The following MAP3K12 variants were observed in gnomAD, a reference collection of about 807,000 sequenced individuals.
MAP3K12 encodes the protein mitogen-activated protein kinase kinase kinase 12.
MAP3K12 carries 14 observed loss-of-function variants against 87.5 expected under a neutral mutation model. The ratio of observed to expected loss-of-function variants is 0.16; its 90% CI spans 0.11 to 0.25. The LOEUF (loss-of-function observed/expected upper bound fraction) is 0.25, where lower values mean the gene tolerates loss of function less well. Among genes scored for constraint, MAP3K12 ranks in the 10% least tolerant of loss-of-function variants. The probability of loss-of-function intolerance (pLI) is 1.00; values close to 1 mark genes in which losing one functional copy is unlikely to be tolerated. For missense variants in MAP3K12, 802 were observed against 1,140.4 expected, an observed-to-expected ratio of 0.70 and a Z score of 4.27; for synonymous variants, 469 against 452.5, an observed-to-expected ratio of 1.04 and a Z score of -0.46.
At chr12:53,495,338 C>CAAAAA (rs1943522030) in intron 1 of MAP3K12, among the ~76,000 whole-genome samples, 1 of 17,172 alleles carries the variant, frequency 5.8e-5, no homozygotes, top group Non-Finnish European at 1.9e-4. Context: ...TACTCTGTCT[C>CAAAAA]CAAAAAAAAA....
At position 53,480,554 on chromosome 12, in the gene MAP3K12, AC is replaced by A. The variant is rs1463786093; in HGVS notation, c.*627del. 6.6e-6 allele frequency: 1 copy of A among 152,618 alleles called. No homozygotes were observed. Among genetic ancestry groups the A allele is most frequent in the Non-Finnish European group, 1.5e-5 (1 of 68,066 alleles). The allele number at this position is 152,618 out of a possible 1,614,324, so 9.5% of individuals were successfully genotyped here. A position where few individuals can be genotyped will look rare whatever the true frequency, so the allele number is the denominator to read the frequency against. ...CAGGGGTTACAGTAGGACAGTCCCC[AC>A]CCCAATCAGGCACCAGGATAAAAGC... On this transcript the variant is annotated 3_prime_UTR_variant, in exon 14 of 14. Transcript: ENST00000547488.
At position 53,483,617 on chromosome 12, in the gene MAP3K12, C is replaced by T; in HGVS notation, c.1465G>A (p.Glu489Lys). The T allele has an allele frequency of 1.2e-6, 2 of 1,614,122 alleles. No homozygotes were observed. Among genetic ancestry groups the T allele is most frequent in the Non-Finnish European group, 1.7e-6 (2 of 1,180,034 alleles). The change falls in exon 9 of 14, where the codon GAG becomes AAG. Residue 489 changes from glutamate (E) to lysine (K), a missense_variant. This residue lies in a region of MAP3K12 where 99 missense variants were observed against 193.4 expected (regional missense o/e 0.51). Transcript: ENST00000547488. Reference sequence around the variant, plus strand: ...GACAGGTAGGGTTACCTGAGCAGCTCCCTCTCCTTGAGTTCCAGCTGCAAC... The same window carrying T: ...GACAGGTAGGGTTACCTGAGCAGCTTCCTCTCCTTGAGTTCCAGCTGCAAC... ...LMLQLELKERELLRREQALER... is the reference protein window; with the variant it reads ...LMLQLELKERKLLRREQALER...
intron 1 of MAP3K12, among the ~76,000 whole-genome samples, chr12:53,492,270 C>G (rs1174274188): frequency 2.0e-5 from 3 of 152,246 alleles, no homozygotes; most frequent in African/African-American, 7.2e-5. Context: ...TTATACTGGA[C>G]GGACAATGTA....
rs974159251 is a variant in MAP3K12, at chr12:53,488,818, G to A, written c.-37-1390C>T. On this transcript the variant is annotated intron_variant, in intron 1 of 13. Coordinates refer to ENST00000547488, the MANE Select transcript of MAP3K12 (RefSeq NM_001193511.2). ...ACCTTGGCTGGGCGCAGTGGCTCAC[G>A]CCTGTAATCCTAGCACTTTGGGAGG... Among the ~76,000 whole-genome samples, 7 of 152,036 alleles carry A rather than the reference G, an allele frequency of 4.6e-5. No individual in the cohort carries two copies. In the East Asian group the frequency reaches 5.8e-4, roughly 13 times the overall value.
chr12:53,482,857 G>C lies in MAP3K12; in HGVS notation c.1946C>G (p.Ala649Gly). The C allele has an allele frequency of 6.2e-7, 1 of 1,612,796 alleles. No individual in the cohort carries two copies. The highest frequency in any genetic ancestry group is 8.5e-7 in the Non-Finnish European group (1 of 1,179,482). Residue 649 changes from alanine (A) to glycine (G), a missense_variant, in exon 11 of 14, where the codon GCA becomes GGA. By Grantham distance (60) the Ala-to-Gly change is moderately conservative (BLOSUM62 0). Around this residue, in one of 5 missense-constraint regions of MAP3K12, gnomAD observed 490 missense variants for 496.6 expected, o/e 0.99. Coordinates refer to ENST00000547488, the MANE Select transcript of MAP3K12 (RefSeq NM_001193511.2). ...CCCCCGGCCCCGGGACCCTAGTGCT[G>C]CTGACAGCAGGTCTGGGGACGATGA... ...MSSSSPDLLS[A>G]ALGSRGRGAT... is the part of the protein sequence containing the mutation.
chr12:53,487,140 A>T lies in MAP3K12; in HGVS notation c.252T>A (p.His84Gln), dbSNP rs1212576986. 1 of 1,614,052 alleles carries T rather than the reference A, an allele frequency of 6.2e-7. No homozygotes were observed. The highest frequency in any genetic ancestry group is 8.5e-7 in the Non-Finnish European group (1 of 1,179,978). Residue 84 changes from histidine to glutamine, a missense_variant, in exon 2 of 14, where the codon CAT (histidine) becomes CAA (glutamine). Coordinates refer to ENST00000547488, the MANE Select transcript of MAP3K12 (RefSeq NM_001193511.2). ...CCCCTGGGCCCCCTGCATCCTGCTC[A>T]TGTAGCTGCAGGACACTGTTGGCAA... ...EPFANSVLQL[H>Q]EQDAGGPGGA...
chr12:53,483,740 G>A lies in MAP3K12; in HGVS notation c.1359-17C>T, dbSNP rs926916301. On this transcript the variant is annotated splice_polypyrimidine_tract_variant and intron_variant, in intron 8 of 13. Coordinates refer to ENST00000547488, the MANE Select transcript of MAP3K12 (RefSeq NM_001193511.2). ...AGGGCGTGTCTGCAACGGGCAGAAA[G>A]GTTCCCCAAGGTGAACTGGGTTCAC... is the stretch of plus-strand genomic sequence containing the variant. 1 of 1,613,570 alleles carries A rather than the reference G, an allele frequency of 6.2e-7. No homozygotes were observed. The highest frequency in any genetic ancestry group is 1.3e-5 in the African/African-American group (1 of 75,006).
upstream of MAP3K12, chr12:53,501,326 G>T: frequency 6.7e-7 from 1 of 1,498,454 alleles, no homozygotes; most frequent in Non-Finnish European, 9.0e-7. Context: ...CTCCGGGCTT[G>T]GCCCCGGCCC....
chr12:53,492,240 G>A (rs768302776), intron 1 of MAP3K12, among the ~76,000 whole-genome samples: 2 of 152,160 alleles, frequency 1.3e-5, no homozygotes, highest in African/African-American at 2.4e-5. Flanking sequence ...CCCACTATGC[G>A]TCCTCTATCA....
chr12:53,501,450 C>G (rs371506572), upstream of MAP3K12: 12 of 1,568,974 alleles, frequency 7.6e-6, no homozygotes, highest in Non-Finnish European at 1.0e-5. Flanking sequence ...CCACGGGCTG[C>G]GGGCTGCCTA....
chr12:53,484,461 C>A (rs756734291), intron 6 of MAP3K12, 96 bp from the exon 7 acceptor site: 2 of 834,386 alleles, frequency 2.4e-6, no homozygotes, highest in East Asian at 2.6e-5. Flanking sequence ...CTGGAGAATC[C>A]AATCCTAGAA....
intron 1 of MAP3K12, chr12:53,493,762 T>C (rs187104298): frequency 9.2e-5 from 14 of 152,216 alleles, no homozygotes; most frequent in Admixed American, 6.5e-4. Flanking sequence ...GGTTTAGGCA[T>C]AGAAAGGGTG....
chr12:53,497,687 T>C (rs1289802813), intron 1 of MAP3K12, among the ~76,000 whole-genome samples: 2 of 152,318 alleles, frequency 1.3e-5, no homozygotes, highest in African/African-American at 4.8e-5. Flanking sequence ...GGCAGACATT[T>C]CCACCTCACT....
In MAP3K12 at chr12:53,485,112, A is replaced by G. The variant is rs1464669043; in HGVS notation, c.1083T>C (p.His361=). 6.2e-7 allele frequency: 1 copy of G among 1,614,198 alleles called. No individual in the cohort carries two copies. The highest frequency in any genetic ancestry group is 8.5e-7 in the Non-Finnish European group (1 of 1,180,028). ...IIWGVGSNSL[H]LPVPSSCPDG... ...CTGGGCAACTGGAGGGCACGGGCAG[A>G]TGGAGACTGTTGCTTCCCACACCCC... Residue 361 remains histidine, a synonymous_variant, in exon 6 of 14, where the codon CAT becomes CAC. Transcript: ENST00000547488.
In MAP3K12 at chr12:53,486,837, G is replaced by A; in HGVS notation, c.445+110C>T. The A allele has an allele frequency of 6.4e-7, 1 of 1,552,146 alleles. No individual in the cohort carries two copies. The highest frequency in any genetic ancestry group is 8.7e-7 in the Non-Finnish European group (1 of 1,148,372). On this transcript the variant is annotated intron_variant, in intron 2 of 13. Transcript: ENST00000547488. This position sits in a 1 kb window ranked among gnomAD's most constrained non-coding sequence, Gnocchi z 4.9. ...AGGCTGATGGATGGCTAAGGGACTA[G>A]GGCTGGGCCATGGGGAGGGAAGGGA...
In MAP3K12 at chr12:53,486,321, C is replaced by A. The variant is rs1943227075; in HGVS notation, c.630-74G>T. 2 of 1,551,478 alleles carry A rather than the reference C, an allele frequency of 1.3e-6. No homozygotes were observed. The highest frequency in any genetic ancestry group is 8.7e-7 in the Non-Finnish European group (1 of 1,144,192). On this transcript the variant is annotated intron_variant, in intron 3 of 13. Coordinates refer to ENST00000547488, the MANE Select transcript of MAP3K12 (RefSeq NM_001193511.2). This position sits in a 1 kb window ranked among gnomAD's most constrained non-coding sequence, Gnocchi z 4.9. ...CTGATTCATACCTGGAACCCCCATT[C>A]CCACCCATTCCACCTATGGATCTCC... is the stretch of plus-strand genomic sequence containing the variant.
At chr12:53,484,201 G>A (rs1459541861) in intron 7 of MAP3K12, 56 bp downstream of exon 7, 1 of 1,504,398 alleles carries the variant, frequency 6.6e-7, no homozygotes, top group Non-Finnish European at 9.2e-7. Context: ...CCCTCAAATA[G>A]CATCATCTCT....
intron 11 of MAP3K12, 45 bp downstream of exon 11, chr12:53,482,520 G>T (rs918024701): frequency 6.3e-7 from 1 of 1,593,186 alleles, no homozygotes; most frequent in Non-Finnish European, 8.5e-7. Context: ...CCCCAGGGAG[G>T]ATAAGGAAAA....
chr12:53,485,454 A>G lies in MAP3K12; in HGVS notation c.843T>C (p.Asp281=), dbSNP rs145448786. 2.5e-6 allele frequency: 4 copies of G among 1,613,962 alleles called. No individual in the cohort carries two copies. The highest frequency in any genetic ancestry group is 3.4e-6 in the Non-Finnish European group (4 of 1,179,974). Residue 281 remains aspartate (D), a synonymous_variant, in exon 5 of 14, where the codon GAT becomes GAC. Transcript: ENST00000547488. ...TGCCAAAATCTGAGATCTTCACCAC[A>G]TCGTCGTAGGTGATTAGCATGCTGG... ...KSPNMLITYD[D]VVKISDFGTS...
Sources: gnomAD v4.1 joint callset for allele counts (sites outside exome capture counted in the v4.1 genomes callset) on GRCh38, gnomAD v4.1.1 for gene constraint, gnomAD v4.1.1 regional missense constraint, Gnocchi (gnomAD v3.1) non-coding constraint, MANE v1.5 for transcripts, NCBI Gene and HGNC (gene_info 2026-07-23, HGNC 2026-07-21) for gene names.